GSK3B: variants seen among roughly 807,000 people sequenced by gnomAD.
The protein encoded by GSK3B is glycogen synthase kinase-3 beta.
GSK3B carries 15 observed loss-of-function variants against 56.4 expected under a neutral mutation model. The ratio of observed to expected loss-of-function variants is 0.27; its 90% CI spans 0.18 to 0.41. GSK3B has a LOEUF of 0.41. GSK3B is among the 10% of genes least tolerant of loss of function. GSK3B has a pLI of 1.00. For missense variants in GSK3B, 300 were observed against 513.4 expected (o/e 0.58, Z 4.02); for synonymous variants, 181 against 188.9 (o/e 0.96, Z 0.34).
intron 7 of GSK3B, among the ~76,000 whole-genome samples, chr3:119,876,780 TG>T (rs1292246556): frequency 6.6e-6 from 1 of 152,106 alleles, no homozygotes; most frequent in Non-Finnish European, 1.5e-5. Flanking sequence ...GTCATTAAAG[TG>T]GAAGCAGGAT....
At chr3:120,079,305 TACACACACACACACAC>T (rs61338597) in intron 1 of GSK3B, among the ~76,000 whole-genome samples, 2,913 of 128,472 alleles carry the variant, frequency 0.023, 56 homozygotes, top group Non-Finnish European at 0.032. Flanking sequence ...GACAGGAAAT[TACACACACACACACAC>T]ACACACACAC....
intron 7 of GSK3B, among the ~76,000 whole-genome samples, chr3:119,890,054 A>G (rs1430864719): frequency 6.6e-6 from 1 of 152,104 alleles, no homozygotes; most frequent in Non-Finnish European, 1.5e-5. Flanking sequence ...TGTTGGTGGG[A>G]GTGTAAAATA....
chr3:119,873,661 T>A (rs2056274418), intron 8 of GSK3B, among the ~76,000 whole-genome samples: 1 of 152,126 alleles, frequency 6.6e-6, no homozygotes, highest in Non-Finnish European at 1.5e-5. Context: ...TTTTGCATTT[T>A]AATTCTTATA....
chr3:119,881,429 G>T (rs1014501713), intron 7 of GSK3B, among the ~76,000 whole-genome samples: 1 of 152,108 alleles, frequency 6.6e-6, no homozygotes, highest in Non-Finnish European at 1.5e-5. Context: ...GTAGTTACAT[G>T]AATATTTACT....
chr3:119,932,354 A>T (rs1316502961), intron 3 of GSK3B, among the ~76,000 whole-genome samples: 8 of 152,276 alleles, frequency 5.3e-5, no homozygotes, highest in African/African-American at 1.9e-4. Context: ...AATAGTAAAG[A>T]GTGTGTGGAT....
chr3:119,930,972 T>C lies in GSK3B; in HGVS notation c.367-7489A>G, dbSNP rs548997462. On this transcript the variant is annotated intron_variant, in intron 3 of 10. Transcript: ENST00000264235. ...CTGAACAATCTAATTTACTACACTA[T>C]GAGAAATATGAAGGCACCAAAAAAT... Among the ~76,000 whole-genome samples, 19 of 152,298 alleles carry C rather than the reference T, an allele frequency of 1.2e-4. 1 individual carries two copies. In the South Asian group the frequency reaches 2.9e-3, roughly 23 times the overall value.
At chr3:119,858,859 G>A (rs752982156) in intron 9 of GSK3B, among the ~76,000 whole-genome samples, 35 of 152,098 alleles carry the variant, frequency 2.3e-4, no homozygotes, top group Non-Finnish European at 4.4e-4. Context: ...TTGTGTCTCA[G>A]GGAATAGGAA....
rs1491416049 is a variant in GSK3B at position 119,822,159 on chromosome 3, A to ATGTT, written c.*4625_*4628dup. On this transcript the variant is annotated 3_prime_UTR_variant, in exon 11 of 11. Transcript: ENST00000264235. The stretch of plus-strand genomic sequence containing the variant: ...TCACAGAGGCATTCAAGTAGTAATA[A>ATGTT]TGTTATACAGATTTTGCTTTTCCTT... 1.0e-5 allele frequency: 2 copies of ATGTT among 193,270 alleles called. No individual in the cohort carries two copies. The highest frequency in any genetic ancestry group is 4.6e-5 in the African/African-American group (2 of 43,172). The allele number at this position is 193,270 out of a possible 1,614,324, so 12.0% of individuals were successfully genotyped here. A position where few individuals can be genotyped will look rare whatever the true frequency, so the allele number is the denominator to read the frequency against.
At chr3:119,901,507 C>T (rs1199725801) in intron 7 of GSK3B, among the ~76,000 whole-genome samples, 2 of 151,896 alleles carry the variant, frequency 1.3e-5, no homozygotes, top group African/African-American at 2.4e-5. Context: ...TTACAAAAAC[C>T]TTATTAGAGG....
intron 2 of GSK3B, among the ~76,000 whole-genome samples, chr3:119,968,584 G>C (rs2057339604): frequency 6.6e-6 from 1 of 152,052 alleles, no homozygotes; most frequent in Admixed American, 6.6e-5. Flanking sequence ...AAAAGCATTT[G>C]GTAAAATTCA....
chr3:120,052,119 A>C (rs2058155483), intron 1 of GSK3B, among the ~76,000 whole-genome samples: 1 of 152,200 alleles, frequency 6.6e-6, no homozygotes, highest in African/African-American at 2.4e-5. Context: ...TTCAATAAAG[A>C]GGGCTACCCC....
At position 119,822,742 on chromosome 3, in the gene GSK3B, G is replaced by C. The variant is rs1157363071; in HGVS notation, c.*4046C>G. 4.4e-6 allele frequency: 1 copy of C among 228,446 alleles called. No individual in the cohort carries two copies. Among genetic ancestry groups the C allele is most frequent in the Non-Finnish European group, 8.7e-6 (1 of 115,218 alleles). The allele number at this position is 228,446 out of a possible 1,614,324, so 14.2% of individuals were successfully genotyped here. A position where few individuals can be genotyped will look rare whatever the true frequency, so the allele number is the denominator to read the frequency against. Reference sequence around the variant, plus strand: ...CTACTTTTCCACACAGGGGAGAAAAGTGTTTGGCTCTGTGATTAGATGATC... The same window carrying C: ...CTACTTTTCCACACAGGGGAGAAAACTGTTTGGCTCTGTGATTAGATGATC... On this transcript the variant is annotated 3_prime_UTR_variant, in exon 11 of 11. Coordinates refer to ENST00000264235, the MANE Select transcript of GSK3B (RefSeq NM_001146156.2).
chr3:119,913,935 A>C (rs1231968212), intron 5 of GSK3B, among the ~76,000 whole-genome samples: 1 of 152,124 alleles, frequency 6.6e-6, no homozygotes, highest in Non-Finnish European at 1.5e-5. Flanking sequence ...AGCATAATTG[A>C]TAGGAGACTG....
chr3:119,895,574 T>C (rs2056553796), intron 7 of GSK3B, among the ~76,000 whole-genome samples: 1 of 152,176 alleles, frequency 6.6e-6, no homozygotes. Flanking sequence ...CCACAAGCTA[T>C]ATAATTTTTG....
At chr3:120,024,891 C>T (rs546464277) in intron 1 of GSK3B, among the ~76,000 whole-genome samples, 1 of 152,230 alleles carries the variant, frequency 6.6e-6, no homozygotes, top group East Asian at 1.9e-4. Context: ...AGGAGTTTAA[C>T]AAACTGAAAA....
At chr3:120,012,577 T>C (rs1559875943) in intron 1 of GSK3B, among the ~76,000 whole-genome samples, 1 of 152,162 alleles carries the variant, frequency 6.6e-6, no homozygotes, top group Non-Finnish European at 1.5e-5. Context: ...CCATAATAGA[T>C]AAATCTTAAA....
intron 1 of GSK3B, among the ~76,000 whole-genome samples, chr3:120,068,390 CAAAAAAAA>C (rs66541739): frequency 1.9e-5 from 1 of 51,612 alleles, no homozygotes; most frequent in Non-Finnish European, 3.8e-5. Flanking sequence ...GACTCCGTCT[CAAAAAAAA>C]AAAAAAAAAA....
In GSK3B at chr3:120,093,468, TTCC is replaced by T. The variant is rs2058532075; in HGVS notation, c.-37_-35del. ...TCTTCGCGAATCACCTTTTCCTTCC[TTCC>T]TCCTTTTCTTCCTTTTGTCTTTATG... On this transcript the variant is annotated 5_prime_UTR_variant, in exon 1 of 11. Coordinates refer to ENST00000264235, the MANE Select transcript of GSK3B (RefSeq NM_001146156.2). 1 of 1,359,958 alleles carries T rather than the reference TTCC, an allele frequency of 7.4e-7. No homozygotes were observed. Among genetic ancestry groups the T allele is most frequent in the Non-Finnish European group, 1.1e-6 (1 of 949,336 alleles). The allele number at this position is 1,359,958 out of a possible 1,614,324, so 84.2% of individuals were successfully genotyped here.
chr3:119,947,008 T>C (rs1315135872), intron 3 of GSK3B, among the ~76,000 whole-genome samples: 4 of 151,952 alleles, frequency 2.6e-5, no homozygotes, highest in Non-Finnish European at 5.9e-5. Flanking sequence ...AAAAAAAGTA[T>C]ATAGATTTTC....
Sources: gnomAD v4.1 joint callset for allele counts (sites outside exome capture counted in the v4.1 genomes callset) on GRCh38, gnomAD v4.1.1 for gene constraint, MANE v1.5 for transcripts, NCBI Gene and HGNC (gene_info 2026-07-23, HGNC 2026-07-21) for gene names.